The following DESI2 variants were observed in gnomAD, a reference collection of about 807,000 sequenced individuals.
DESI2 encodes deubiquitinase DESI2.
DESI2 carries 10 observed loss-of-function variants against 24.1 expected under a neutral mutation model. The ratio of observed to expected loss-of-function variants is 0.41; its 90% CI spans 0.26 to 0.70. The LOEUF (loss-of-function observed/expected upper bound fraction) is 0.70, where lower values mean the gene tolerates loss of function less well. Ranked by LOEUF, DESI2 falls within the 30% of genes least tolerant of loss-of-function variation. DESI2 has a pLI of 0.29. For missense variants in DESI2, 122 were observed against 234.9 expected, an observed-to-expected ratio of 0.52 and a Z score of 3.14; for synonymous variants, 71 against 87.7, an observed-to-expected ratio of 0.81 and a Z score of 1.06.
In DESI2 at chr1:244,656,841, C is replaced by A. The variant is rs555273851; in HGVS notation, c.42+3486C>A. Among the ~76,000 whole-genome samples, 3 of 152,260 alleles carry A rather than the reference C, an allele frequency of 2.0e-5. No individual in the cohort carries two copies. The South Asian group carries it at 6.2e-4, about 32-fold the overall frequency. ...CCAGGCTGGAGTGCAGTGGTGCGATCTCGGCTCACAGCAACCTCTGCCTCC... is the reference window on the plus strand; with the variant it reads ...CCAGGCTGGAGTGCAGTGGTGCGATATCGGCTCACAGCAACCTCTGCCTCC... On this transcript the variant is annotated intron_variant, in intron 1 of 4. Transcript: ENST00000302550.
intron 4 of DESI2, 124 bp downstream of exon 4, chr1:244,692,144 G>T: frequency 7.1e-6 from 6 of 844,660 alleles, no homozygotes; most frequent in Non-Finnish European, 1.1e-5. Context: ...ATGAAATATG[G>T]TATTGTATTT....
intron 4 of DESI2, among the ~76,000 whole-genome samples, chr1:244,697,470 CTG>C (rs1016948857): frequency 9.4e-6 from 1 of 106,774 alleles, no homozygotes; most frequent in East Asian, 2.7e-4. Context: ...GAGGGAGCCT[CTG>C]TCTCAAAAAA....
Position 244,694,676 on chromosome 1 carries a change from C to T in DESI2, c.351+2656C>T, listed in dbSNP as rs545692910. Reference sequence around the variant, plus strand: ...TAGAGCCACAGCAGTGGCACGTGTGCGTCTTATTGCGACGCTTTCCAAACG... The same window carrying T: ...TAGAGCCACAGCAGTGGCACGTGTGTGTCTTATTGCGACGCTTTCCAAACG... On this transcript the variant is annotated intron_variant, in intron 4 of 4. Transcript: ENST00000302550. The T allele has an allele frequency of 1.9e-4, 146 of 762,020 alleles. No individual in the cohort carries two copies. In the African/African-American group the frequency reaches 2.3e-3, roughly 12 times the overall value. The allele number at this position is 762,020 out of a possible 1,614,324, so 47.2% of individuals were successfully genotyped here.
At position 244,653,200 on chromosome 1, in the gene DESI2, T is replaced by C; in HGVS notation, c.-114T>C. ...CCGCCCCGGCTGCCGCGGGCCGGGC[T>C]GTACGCTTAGTGCCCGGCTCAGGCC... On this transcript the variant is annotated 5_prime_UTR_variant, in exon 1 of 5. Coordinates refer to ENST00000302550, the MANE Select transcript of DESI2 (RefSeq NM_016076.5). 2 of 1,122,100 alleles carry C rather than the reference T, an allele frequency of 1.8e-6. No individual in the cohort carries two copies. Among genetic ancestry groups the C allele is most frequent in the Non-Finnish European group, 2.4e-6 (2 of 840,092 alleles). The allele number at this position is 1,122,100 out of a possible 1,614,324, so 69.5% of individuals were successfully genotyped here. A position where few individuals can be genotyped will look rare whatever the true frequency, so the allele number is the denominator to read the frequency against.
intron 1 of DESI2, among the ~76,000 whole-genome samples, chr1:244,682,756 G>T (rs931499010): frequency 2.0e-5 from 3 of 151,968 alleles, no homozygotes; most frequent in Non-Finnish European, 4.4e-5. Context: ...TATTTGCAAA[G>T]ACAGGCGGGG....
chr1:244,694,368 G>GT, intron 4 of DESI2: 1 of 612,808 alleles, frequency 1.6e-6, no homozygotes, highest in Non-Finnish European at 3.1e-6. Flanking sequence ...TCAAACTTTA[G>GT]TATTCATAAA....
chr1:244,700,776 A>G (rs545767738), intron 4 of DESI2, among the ~76,000 whole-genome samples: 1 of 152,360 alleles, frequency 6.6e-6, no homozygotes, highest in Non-Finnish European at 1.5e-5. Context: ...GCAACAAGAA[A>G]CATAATTGCT....
chr1:244,705,569 A>G lies in DESI2; in HGVS notation c.365A>G (p.Lys122Arg). The change falls in exon 5 of 5, where the codon AAA (lysine) becomes AGA (arginine). Residue 122 changes from lysine (K) to arginine (R), a missense_variant. By Grantham distance (26) the Lys-to-Arg change is conservative. Around this residue, in one of 6 missense-constraint regions of DESI2, gnomAD observed 12 missense variants for 31.8 expected, o/e 0.38. Coordinates refer to ENST00000302550, the MANE Select transcript of DESI2 (RefSeq NM_016076.5). ...SSALSEILCGKEIPRWINRLA... is the reference protein window; with the variant it reads ...SSALSEILCGREIPRWINRLA... ...TCTCTTCTGTAGATTCTTTGTGGGA[A>G]AGAGATTCCTCGCTGGATCAATCGA... is the stretch of plus-strand genomic sequence containing the variant. 6.2e-7 allele frequency: 1 copy of G among 1,614,070 alleles called. No homozygotes were observed. Among genetic ancestry groups the G allele is most frequent in the Non-Finnish European group, 8.5e-7 (1 of 1,179,912 alleles).
chr1:244,658,824 G>A (rs1170647952), intron 1 of DESI2, among the ~76,000 whole-genome samples: 1 of 152,114 alleles, frequency 6.6e-6, no homozygotes, highest in Non-Finnish European at 1.5e-5. Context: ...AGGATTATAG[G>A]AATGGGACAG....
chr1:244,701,249 T>G (rs1041263326), intron 4 of DESI2, among the ~76,000 whole-genome samples: 2 of 95,390 alleles, frequency 2.1e-5, no homozygotes, highest in Admixed American at 3.3e-4. Flanking sequence ...TTTTAACTGC[T>G]GAAGAAATTA....
chr1:244,663,420 C>T (rs1279232088), intron 1 of DESI2, among the ~76,000 whole-genome samples: 1 of 151,878 alleles, frequency 6.6e-6, no homozygotes. Flanking sequence ...TCGTGATCCG[C>T]CCACCTCAGC....
At chr1:244,666,731 G>A (rs942286444) in intron 1 of DESI2, among the ~76,000 whole-genome samples, 1 of 152,068 alleles carries the variant, frequency 6.6e-6, no homozygotes, top group Non-Finnish European at 1.5e-5. Flanking sequence ...TGACCCTGAG[G>A]GCAGACGCAG....
chr1:244,685,872 A>T (rs963393548), intron 1 of DESI2, among the ~76,000 whole-genome samples: 1 of 151,998 alleles, frequency 6.6e-6, no homozygotes, highest in Non-Finnish European at 1.5e-5. Context: ...TTTCACAGTC[A>T]TTTCCTGTAA....
intron 1 of DESI2, among the ~76,000 whole-genome samples, chr1:244,659,868 T>C (rs935804891): frequency 9.2e-5 from 14 of 152,258 alleles, no homozygotes; most frequent in Non-Finnish European, 1.9e-4. Flanking sequence ...TGTTTCATCA[T>C]AGCAGTCACT....
chr1:244,705,682 A>C lies in DESI2; in HGVS notation c.478A>C (p.Ser160Arg). The stretch of plus-strand genomic sequence containing the variant: ...GCCCGCAGCCCTGCAGTCTAGTGTC[A>C]GCCAAGAACTCCAGGATGAACTGGA... ...LTPAALQSSVSQELQDELEEA... is the reference protein window; with the variant it reads ...LTPAALQSSVRQELQDELEEA... Residue 160 changes from serine to arginine, a missense_variant, in exon 5 of 5, where the codon AGC becomes CGC. Around this residue, in one of 6 missense-constraint regions of DESI2, gnomAD observed 56 missense variants for 67.9 expected, o/e 0.82. Transcript: ENST00000302550. The C allele has an allele frequency of 6.2e-7, 1 of 1,614,134 alleles. No individual in the cohort carries two copies. The highest frequency in any genetic ancestry group is 1.7e-4 in the Middle Eastern group (1 of 6,060).
chr1:244,689,790 G>A lies in DESI2; in HGVS notation c.209+448G>A, dbSNP rs1242976239. ...CTCCCAAAGTGCTGGGATTACAGGC[G>A]TGAGCCACCACGCCCAGCCCAGGAA... On this transcript the variant is annotated intron_variant, in intron 3 of 4. Transcript: ENST00000302550. The surrounding 1 kb of genome is among the most constrained non-coding windows in gnomAD (Gnocchi z 4.0). Among the ~76,000 whole-genome samples, 2 of 152,178 alleles carry A rather than the reference G, an allele frequency of 1.3e-5. No homozygotes were observed. Among genetic ancestry groups the A allele is most frequent in the African/African-American group, 2.4e-5 (1 of 41,458 alleles).
At position 244,669,636 on chromosome 1, in the gene DESI2, C is replaced by T. The variant is rs1475286969; in HGVS notation, c.42+16281C>T. Among the ~76,000 whole-genome samples the T allele has an allele frequency of 3.9e-5, 6 of 152,134 alleles. No homozygotes were observed. In the Middle Eastern group the frequency reaches 0.01, roughly 259 times the overall value. The stretch of plus-strand genomic sequence containing the variant: ...GAGGTTGCGGTGAGCCAAGATCGCA[C>T]CATTACACTCCAGTCTGGACAACAG... On this transcript the variant is annotated intron_variant, in intron 1 of 4. Transcript: ENST00000302550.
chr1:244,695,104 C>T (rs907238750), intron 4 of DESI2, among the ~76,000 whole-genome samples: 1 of 152,212 alleles, frequency 6.6e-6, no homozygotes, highest in Non-Finnish European at 1.5e-5. Flanking sequence ...ATGTTGGCCC[C>T]ACCGGCAGGC....
Position 244,686,580 on chromosome 1 carries a change from C to A in DESI2, c.43-17C>A, listed in dbSNP as rs368791024. ...AATGAACAGGTATTCTGAATCTTTT[C>A]TTTCTTTTTTTCTCAGTATTGGATG... On this transcript the variant is annotated splice_polypyrimidine_tract_variant and intron_variant, in intron 1 of 4. Coordinates refer to ENST00000302550, the MANE Select transcript of DESI2 (RefSeq NM_016076.5). 2 of 1,555,326 alleles carry A rather than the reference C, an allele frequency of 1.3e-6. No homozygotes were observed. Among genetic ancestry groups the A allele is most frequent in the Admixed American group, 3.3e-5 (2 of 59,742 alleles).
Sources: allele counts gnomAD v4.1 joint callset (sites outside exome capture counted in the v4.1 genomes callset), GRCh38; gene constraint gnomAD v4.1.1; regional missense constraint gnomAD v4.1.1; non-coding constraint Gnocchi (gnomAD v3.1); transcripts MANE v1.5; gene names NCBI Gene and HGNC (gene_info 2026-07-23, HGNC 2026-07-21).